VAV3: variants seen among roughly 807,000 people sequenced by gnomAD.
VAV3 encodes guanine nucleotide exchange factor VAV3.
Under a neutral mutation model 131.2 loss-of-function variants are expected in VAV3, and 94 were observed. The observed-to-expected ratio is 0.72, with a 90% CI of 0.61 to 0.85. The LOEUF is 0.85. VAV3 is among the 40% of genes least tolerant of loss of function. VAV3 has a pLI of 0.00. For synonymous variants in VAV3, 349 were observed against 342.0 expected, an observed-to-expected ratio of 1.02 and a Z score of -0.22; for missense variants, 939 against 1,002.7, an observed-to-expected ratio of 0.94 and a Z score of 0.86.
intron 2 of VAV3, among the ~76,000 whole-genome samples, chr1:107,856,953 C>T (rs1415940989): frequency 6.6e-6 from 1 of 152,050 alleles, no homozygotes; most frequent in African/African-American, 2.4e-5. Flanking sequence ...GCAGGAGGGT[C>T]GCTTGAGCCC....
intron 15 of VAV3, among the ~76,000 whole-genome samples, chr1:107,739,990 T>C (rs1054596165): frequency 1.3e-5 from 2 of 152,178 alleles, no homozygotes; most frequent in African/African-American, 4.8e-5. Flanking sequence ...CATCACTGAT[T>C]AAACAATGCT....
intron 15 of VAV3, among the ~76,000 whole-genome samples, chr1:107,724,496 G>A (rs956104442): frequency 2.0e-5 from 3 of 152,074 alleles, no homozygotes; most frequent in African/African-American, 7.2e-5. Context: ...CATGGCCTCT[G>A]GCCTTACAGT....
chr1:107,651,705 GTCTT>G lies in VAV3; in HGVS notation c.1778-8954_1778-8951del, dbSNP rs113502885. Among the ~76,000 whole-genome samples, 180 of 151,906 alleles carry G rather than the reference GTCTT, an allele frequency of 1.2e-3. 1 individual carries two copies. Among genetic ancestry groups the G allele is most frequent in the African/African-American group, 4.2e-3 (175 of 41,422 alleles). On this transcript the variant is annotated intron_variant, in intron 19 of 26. Transcript: ENST00000370056. ...ATTTCTACCTCCCAGTTCAAGCACT[GTCTT>G]TCTAATTGGCTTTTCCTCATTCAAT...
At chr1:107,856,697 A>AT (rs895650446) in intron 2 of VAV3, among the ~76,000 whole-genome samples, 1 of 152,184 alleles carries the variant, frequency 6.6e-6, no homozygotes, top group Admixed American at 6.6e-5. Flanking sequence ...CAAATATGAG[A>AT]TTTTTGTTTT....
chr1:107,681,829 T>G (rs1026310780), intron 19 of VAV3, among the ~76,000 whole-genome samples: 1 of 151,902 alleles, frequency 6.6e-6, no homozygotes, highest in Non-Finnish European at 1.5e-5. Context: ...ATTTTTTTTT[T>G]GCTTGTATTT....
intron 1 of VAV3, among the ~76,000 whole-genome samples, chr1:107,949,238 G>GT (rs1037417414): frequency 1.8e-4 from 27 of 151,986 alleles, no homozygotes; most frequent in East Asian, 5.8e-4. Flanking sequence ...TCACATTCTG[G>GT]TTTTTTTTAC....
intron 25 of VAV3, among the ~76,000 whole-genome samples, chr1:107,576,093 T>C (rs1326768947): frequency 6.6e-6 from 1 of 152,078 alleles, no homozygotes; most frequent in African/African-American, 2.4e-5. Flanking sequence ...AGAAAAATAA[T>C]GATTTTATAG....
chr1:107,899,493 A>G (rs912634669), intron 1 of VAV3, among the ~76,000 whole-genome samples: 1 of 152,178 alleles, frequency 6.6e-6, no homozygotes, highest in Non-Finnish European at 1.5e-5. Flanking sequence ...TGCATTGTGA[A>G]GGGCTACAAA....
chr1:107,785,974 A>G (rs17229578), intron 2 of VAV3, among the ~76,000 whole-genome samples: 5,243 of 152,268 alleles, frequency 0.034, 196 homozygotes, highest in African/African-American at 0.094. Context: ...GATACACTAC[A>G]GCTTAGTGTC....
In VAV3 at chr1:107,688,362, T is replaced by A; in HGVS notation, c.1731+19A>T. The A allele has an allele frequency of 1.2e-6, 2 of 1,611,110 alleles. No homozygotes were observed. Among genetic ancestry groups the A allele is most frequent in the Non-Finnish European group, 1.7e-6 (2 of 1,178,666 alleles). On this transcript the variant is annotated intron_variant, in intron 18 of 26. Coordinates refer to ENST00000370056, the MANE Select transcript of VAV3 (RefSeq NM_006113.5). ...TGAAATGCAAAGGTTATAAAAAATA[T>A]TTAAAATGTTAATCTTACCTCTGGT...
At chr1:107,668,848 A>G in intron 19 of VAV3, 7 of 985,538 alleles carry the variant, frequency 7.1e-6, no homozygotes, top group Non-Finnish European at 8.4e-6. Context: ...GTTAAATGGA[A>G]TTTCACTTTA....
At chr1:107,794,680 A>G (rs1304917776) in intron 2 of VAV3, among the ~76,000 whole-genome samples, 1 of 152,188 alleles carries the variant, frequency 6.6e-6, no homozygotes, top group Non-Finnish European at 1.5e-5. Context: ...TTTCCACCTT[A>G]GGAGCCCTGG....
intron 2 of VAV3, among the ~76,000 whole-genome samples, chr1:107,844,570 G>A (rs1338315284): frequency 1.3e-5 from 2 of 152,174 alleles, no homozygotes; most frequent in East Asian, 3.9e-4. Flanking sequence ...AGATCCACTG[G>A]CTTGAAATTC....
intron 2 of VAV3, among the ~76,000 whole-genome samples, chr1:107,870,641 T>C (rs967973371): frequency 1.3e-5 from 2 of 152,160 alleles, no homozygotes; most frequent in African/African-American, 4.8e-5. Flanking sequence ...TTTAGTTTAA[T>C]TCTTAACTAA....
intron 18 of VAV3, among the ~76,000 whole-genome samples, chr1:107,684,130 G>A (rs1570748976): frequency 6.6e-6 from 1 of 152,296 alleles, no homozygotes; most frequent in African/African-American, 2.4e-5. Flanking sequence ...TATAGAAAAT[G>A]AATCTGTAAG....
intron 19 of VAV3, among the ~76,000 whole-genome samples, chr1:107,648,521 A>C (rs1322466066): frequency 6.6e-6 from 1 of 152,036 alleles, no homozygotes; most frequent in Non-Finnish European, 1.5e-5. Flanking sequence ...TTCAGGAGAA[A>C]ATGCCATGTA....
At chr1:107,777,638 C>G in intron 3 of VAV3, 1 of 291,288 alleles carries the variant, frequency 3.4e-6, no homozygotes, top group Non-Finnish European at 6.4e-6. Context: ...CTGCAGCACC[C>G]CAAGTCAGAC....
At chr1:107,670,429 C>G (rs1657703985) in intron 19 of VAV3, among the ~76,000 whole-genome samples, 1 of 151,946 alleles carries the variant, frequency 6.6e-6, no homozygotes, top group Non-Finnish European at 1.5e-5. Context: ...AACATTATCA[C>G]AAATTAAATA....
intron 2 of VAV3, among the ~76,000 whole-genome samples, chr1:107,832,674 A>G (rs1323199305): frequency 1.3e-5 from 2 of 152,210 alleles, no homozygotes; most frequent in East Asian, 3.8e-4. Context: ...CTCGGTAGAA[A>G]TGGCTCCCCT....
Sources: allele counts gnomAD v4.1 joint callset (sites outside exome capture counted in the v4.1 genomes callset), GRCh38; gene constraint gnomAD v4.1.1; transcripts MANE v1.5; gene names NCBI Gene and HGNC (gene_info 2026-07-23, HGNC 2026-07-21).